ASB2: variants seen among roughly 807,000 people sequenced by gnomAD.
ASB2 encodes the protein ankyrin repeat and SOCS box containing 2.
ASB2 carries 58 observed loss-of-function variants against 62.4 expected under a neutral mutation model. That is an observed-to-expected ratio of 0.93 (90% CI 0.75 to 1.16). ASB2 has a LOEUF of 1.16. ASB2 is among the 50% of genes most tolerant of loss of function. The pLI is 0.00. For synonymous variants in ASB2, 386 were observed against 385.3 expected (o/e 1.00, Z -0.02); for missense variants, 928 against 887.9 (o/e 1.05, Z -0.57).
intron 7 of ASB2, among the ~76,000 whole-genome samples, chr14:93,945,209 G>T (rs962133007): frequency 2.0e-5 from 3 of 152,216 alleles, no homozygotes; most frequent in Non-Finnish European, 2.9e-5. Context: ...TGGGCCAGGA[G>T]ATTTCCAAAG....
At chr14:93,959,577 G>A (rs1346223660) in intron 2 of ASB2, among the ~76,000 whole-genome samples, 1 of 152,216 alleles carries the variant, frequency 6.6e-6, no homozygotes, top group African/African-American at 2.4e-5. Context: ...GAGGAGCCTG[G>A]CCTCGGCAGG....
At chr14:93,975,333 A>G (rs1046427217) in intron 1 of ASB2, among the ~76,000 whole-genome samples, 4 of 152,172 alleles carry the variant, frequency 2.6e-5, no homozygotes, top group Non-Finnish European at 5.9e-5. Context: ...ATTCCAGTGC[A>G]TACCCCTGGC....
intron 7 of ASB2, chr14:93,944,083 G>C (rs766912115): frequency 4.5e-6 from 2 of 448,462 alleles, no homozygotes; most frequent in Non-Finnish European, 9.0e-6. Flanking sequence ...AAAATCTCCC[G>C]GGCAGCTCTT....
chr14:93,944,077 T>C (rs986358569), intron 7 of ASB2: 2 of 449,628 alleles, frequency 4.4e-6, no homozygotes, highest in Non-Finnish European at 9.0e-6. Flanking sequence ...CACAGTAAAA[T>C]CTCCCGGGCA....
chr14:93,942,171 C>G (rs1384560641), intron 7 of ASB2: 1 of 455,770 alleles, frequency 2.2e-6, no homozygotes, highest in Non-Finnish European at 4.4e-6. Flanking sequence ...CCCCACCAAA[C>G]AGTCTGACTC....
intron 6 of ASB2, among the ~76,000 whole-genome samples, chr14:93,947,995 GAAAAAAAAAAAA>G (rs55666799): frequency 2.8e-5 from 2 of 72,478 alleles, no homozygotes; most frequent in Non-Finnish European, 4.8e-5. Flanking sequence ...ACTCCGCCTG[GAAAAAAAAAAAA>G]AAAAAAAAAA....
chr14:93,968,437 TAGG>T (rs770284908), intron 1 of ASB2: 1 of 152,212 alleles, frequency 6.6e-6, no homozygotes, highest in African/African-American at 2.4e-5. Context: ...GAAGGGTTTA[TAGG>T]AGGAGAGACA....
Position 93,953,434 on chromosome 14 carries a change from G to A in ASB2, c.552C>T (p.His184=), listed in dbSNP as rs1025886159. 4.3e-6 allele frequency: 7 copies of A among 1,609,536 alleles called. No homozygotes were observed. The African/African-American group carries it at 8.0e-5, about 18-fold the overall frequency. ...TAVYLATCRG[H]LDCLLSLLQA... The stretch of plus-strand genomic sequence containing the variant: ...GGAGCAGTGACAGGAGACAGTCCAG[G>A]TGGCCCCTGCACGTTGCCAAGTAAA... Residue 184 remains histidine (H), a synonymous_variant, in exon 5 of 10, where the codon CAC becomes CAT. Transcript: ENST00000555019.
At chr14:93,973,000 G>A (rs538385388) in intron 1 of ASB2, among the ~76,000 whole-genome samples, 21 of 152,218 alleles carry the variant, frequency 1.4e-4, no homozygotes, top group Non-Finnish European at 2.4e-4. Context: ...TCAAGCTCCC[G>A]GCTTTCGGGT....
Position 93,939,200 on chromosome 14 carries a change from G to C in ASB2, c.1525C>G (p.Leu509Val). The change falls in exon 8 of 10, where the codon CTC (leucine) becomes GTC (valine). Residue 509 changes from leucine to valine, a missense_variant. Transcript: ENST00000555019. ...GGCGGGTGCGGGCCGTTGCCGTAGA[G>C]GCATGAGAAGCAGGGCTCGCCGTCG... ...GCDGEPCFSCLYGNGPHPPAP... is the reference protein window; with the variant it reads ...GCDGEPCFSCVYGNGPHPPAP... The C allele has an allele frequency of 6.2e-7, 1 of 1,606,108 alleles. No homozygotes were observed. Among genetic ancestry groups the C allele is most frequent in the Non-Finnish European group, 8.5e-7 (1 of 1,174,892 alleles).
intron 2 of ASB2, chr14:93,957,133 A>AC (rs1166343932): frequency 2.5e-5 from 26 of 1,033,544 alleles, no homozygotes; most frequent in Middle Eastern, 3.4e-4. Flanking sequence ...ACCTCACCCC[A>AC]CCCCCCGGTC....
chr14:93,956,423 G>A (rs1452316899), intron 3 of ASB2, among the ~76,000 whole-genome samples: 1 of 152,212 alleles, frequency 6.6e-6, no homozygotes, highest in African/African-American at 2.4e-5. Flanking sequence ...GGCCTCTGGG[G>A]TTCTAAGGCC....
Position 93,956,644 on chromosome 14 carries a change from G to A in ASB2, c.311+122C>T, listed in dbSNP as rs1889219668. 3.8e-6 allele frequency: 5 copies of A among 1,331,472 alleles called. No individual in the cohort carries two copies. In the East Asian group the frequency reaches 9.5e-5, roughly 25 times the overall value. The allele number at this position is 1,331,472 out of a possible 1,614,324, so 82.5% of individuals were successfully genotyped here. A position where few individuals can be genotyped will look rare whatever the true frequency, so the allele number is the denominator to read the frequency against. On this transcript the variant is annotated intron_variant, in intron 3 of 9. Coordinates refer to ENST00000555019, the MANE Select transcript of ASB2 (RefSeq NM_001202429.2). ...GGCACCCCTAGAAGGAGCGTGCCTGGCAGGTGCCTCCATAGTGCCCTCTGC... is the reference window on the plus strand; with the variant it reads ...GGCACCCCTAGAAGGAGCGTGCCTGACAGGTGCCTCCATAGTGCCCTCTGC...
Position 93,951,051 on chromosome 14 carries a change from G to C in ASB2, c.828C>G (p.Phe276Leu). Residue 276 changes from phenylalanine (F) to leucine (L), a missense_variant, in exon 6 of 10, where the codon TTC becomes TTG. Coordinates refer to ENST00000555019, the MANE Select transcript of ASB2 (RefSeq NM_001202429.2). ...SKNAYGITPL[F>L]VAAQSGQLEA... is the part of the protein sequence containing the mutation. ...CCAACTGTCCACTCTGGGCGGCCAC[G>C]AACAAGGGGGTGATGCCGTAGGCGT... 1 of 1,614,184 alleles carries C rather than the reference G, an allele frequency of 6.2e-7. No homozygotes were observed. The highest frequency in any genetic ancestry group is 8.5e-7 in the Non-Finnish European group (1 of 1,180,040).
chr14:93,962,970 C>T (rs1162088393), intron 2 of ASB2, among the ~76,000 whole-genome samples: 5 of 152,196 alleles, frequency 3.3e-5, no homozygotes, highest in Non-Finnish European at 5.9e-5. Flanking sequence ...GGAACGTCCT[C>T]GGGGGCAGCT....
At chr14:93,959,361 C>T (rs921339877) in intron 2 of ASB2, among the ~76,000 whole-genome samples, 39 of 152,212 alleles carry the variant, frequency 2.6e-4, no homozygotes, top group Non-Finnish European at 5.9e-5. Context: ...GATCCGAGTG[C>T]ATCCACTGGC....
rs148043237 is a variant in ASB2 at position 93,938,978 on chromosome 14, G to T, written c.1617+130C>A. 7.4e-3 allele frequency: 6,065 copies of T among 815,500 alleles called. 31 individuals are homozygous for T. Among genetic ancestry groups the T allele is most frequent in the Non-Finnish European group, 8.8e-3 (4,975 of 563,158 alleles). 50.5% of individuals were successfully genotyped at this position (815,500 alleles called of 1,614,324 possible). A position where few individuals can be genotyped will look rare whatever the true frequency, so the allele number is the denominator to read the frequency against. On this transcript the variant is annotated intron_variant, in intron 8 of 9. Coordinates refer to ENST00000555019, the MANE Select transcript of ASB2 (RefSeq NM_001202429.2). ...AAGCTGGCCCCACTTCCCCCGAAGG[G>T]TGTTAATCACTAGTCCACGCTGCTC...
chr14:93,938,895 TAAGCGC>T (rs1888381489), intron 8 of ASB2, among the ~76,000 whole-genome samples: 1 of 152,200 alleles, frequency 6.6e-6, no homozygotes, highest in Non-Finnish European at 1.5e-5. Flanking sequence ...CAAAGCGCCC[TAAGCGC>T]TAACCCACGC....
intron 9 of ASB2, among the ~76,000 whole-genome samples, chr14:93,937,402 C>T (rs886453323): frequency 4.6e-5 from 7 of 152,206 alleles, no homozygotes; most frequent in African/African-American, 1.4e-4. Context: ...CTGAAGGTCC[C>T]GGTACCCCTC....
Sources: allele counts gnomAD v4.1 joint callset (sites outside exome capture counted in the v4.1 genomes callset), GRCh38; gene constraint gnomAD v4.1.1; transcripts MANE v1.5; gene names NCBI Gene and HGNC (gene_info 2026-07-23, HGNC 2026-07-21).